Variants in CTPS1 observed in about 807,000 individuals in gnomAD.
CTPS1 encodes the protein CTP synthase 1, also known as CTP synthetase 1.
Under a neutral mutation model 80.5 loss-of-function variants are expected in CTPS1, and 25 were observed. That is an observed-to-expected ratio of 0.31 (90% CI 0.23 to 0.43). The LOEUF is 0.43. Ranked by LOEUF, CTPS1 falls within the 20% of genes least tolerant of loss-of-function variation. The pLI is 1.00. For missense variants in CTPS1, 442 were observed against 725.7 expected (o/e 0.61, Z 4.49); for synonymous variants, 267 against 252.5 (o/e 1.06, Z -0.54).
At chr1:40,987,614 GT>G (rs5773721) in intron 4 of CTPS1, 142 bp downstream of exon 4, 617,941 of 660,760 alleles carry the variant, frequency 0.94, 289,833 homozygotes, top group Admixed American at 0.96. Context: ...TAAGGGCACA[GT>G]TAACAGTCAT....
In CTPS1 at chr1:41,008,553, C is replaced by A. The variant is rs1043353390; in HGVS notation, c.1394-106C>A. ...ATTCATAGAAATAGCCCTCAAAAGA[C>A]CTGGCTGTGTGGATGATGAAAAGTA... is the stretch of plus-strand genomic sequence containing the variant. On this transcript the variant is annotated intron_variant, in intron 14 of 18. Transcript: ENST00000650070. 44 of 1,202,220 alleles carry A rather than the reference C, an allele frequency of 3.7e-5. No homozygotes were observed. In the African/African-American group the frequency reaches 5.5e-4, roughly 15 times the overall value. 74.5% of individuals were successfully genotyped at this position (1,202,220 alleles called of 1,614,324 possible).
At chr1:41,008,930 A>C (rs764200013) in intron 16 of CTPS1, 40 bp downstream of exon 16, 3 of 1,492,140 alleles carry the variant, frequency 2.0e-6, no homozygotes, top group Non-Finnish European at 2.8e-6. Context: ...AAAACTTAGT[A>C]AAGTTTTCTT....
rs201824063 is a variant in CTPS1 at position 41,008,832 on chromosome 1, C to T, written c.1488C>T (p.Gly496=). The change falls in exon 16 of 19, where the codon GGC becomes GGT. Residue 496 remains glycine (G), a synonymous_variant. Coordinates refer to ENST00000650070, the MANE Select transcript of CTPS1 (RefSeq NM_001905.4). ...GGAAAAAGTGTTTGGAAGAACAAGG[C>T]TTGAAGTTTGTTGGCCAAGATGTTG... is the stretch of plus-strand genomic sequence containing the variant. ...PVWKKCLEEQ[G]LKFVGQDVEG... is the part of the protein sequence containing the mutation. 272 of 1,614,016 alleles carry T rather than the reference C, an allele frequency of 1.7e-4. No individual in the cohort carries two copies. Among genetic ancestry groups the T allele is most frequent in the Admixed American group, 4.3e-4 (26 of 60,016 alleles).
At chr1:40,983,114 T>A in intron 1 of CTPS1, 164 bp from the exon 2 acceptor site, 1 of 529,804 alleles carries the variant, frequency 1.9e-6, no homozygotes, top group Non-Finnish European at 3.3e-6. Context: ...ATGTTTGTTT[T>A]GATCCTATTT....
rs369776316 is a variant in CTPS1 at position 41,010,246 on chromosome 1, T to C, written c.*1T>C. The C allele has an allele frequency of 2.5e-6, 4 of 1,608,890 alleles. No homozygotes were observed. In the African/African-American group the frequency reaches 5.3e-5, roughly 22 times the overall value. ...GTTTCCATCAATAAATCATGACTGA[T>C]CTTGTAGCGTAAGTGGTACTTTAAA... is the stretch of plus-strand genomic sequence containing the variant. On this transcript the variant is annotated 3_prime_UTR_variant, in exon 18 of 19. Transcript: ENST00000650070.
At chr1:40,992,285 G>A (rs762177927) in intron 7 of CTPS1, among the ~76,000 whole-genome samples, 6 of 152,140 alleles carry the variant, frequency 3.9e-5, no homozygotes, top group Non-Finnish European at 5.9e-5. Context: ...GGTTAACTGC[G>A]TCCTTCACTG....
At chr1:40,998,642 C>T (rs61780432) in intron 9 of CTPS1, among the ~76,000 whole-genome samples, 1,592 of 152,244 alleles carry the variant, frequency 0.01, 8 homozygotes, top group Non-Finnish European at 0.016. Context: ...TGTCAGCTGT[C>T]GTTAAACCCT....
rs116106023 is a variant in CTPS1, at chr1:41,006,319, C to T, written c.1296+225C>T. Among the ~76,000 whole-genome samples the T allele has an allele frequency of 6.2e-3, 943 of 152,268 alleles. 14 individuals are homozygous for T. Among genetic ancestry groups the T allele is most frequent in the African/African-American group, 0.022 (902 of 41,542 alleles). On this transcript the variant is annotated intron_variant, in intron 13 of 18. Coordinates refer to ENST00000650070, the MANE Select transcript of CTPS1 (RefSeq NM_001905.4). ...CACAGAAAGTTTTTAAGACAGGTAC[C>T]AGCCCAGGAAACTGGAGGGGATTCC...
intron 9 of CTPS1, among the ~76,000 whole-genome samples, chr1:40,998,707 T>C (rs1441223128): frequency 6.6e-6 from 1 of 152,164 alleles, no homozygotes. Flanking sequence ...GCTGAAGCTT[T>C]TCAGGAAGAG....
At chr1:40,991,915 T>C in intron 7 of CTPS1, 70 bp downstream of exon 7, 1 of 1,171,224 alleles carries the variant, frequency 8.5e-7, no homozygotes, top group Non-Finnish European at 1.3e-6. Context: ...CTTGATCAGT[T>C]TCGTGAGGCT....
At chr1:40,979,890 G>A (rs1160525396) in intron 1 of CTPS1, 61 bp downstream of exon 1, 2 of 152,224 alleles carry the variant, frequency 1.3e-5, no homozygotes, top group African/African-American at 4.8e-5. Flanking sequence ...TCAGCGGCGC[G>A]AGCTGAGCCC....
At chr1:41,004,927 G>A (rs545295815) in intron 12 of CTPS1, among the ~76,000 whole-genome samples, 10 of 151,992 alleles carry the variant, frequency 6.6e-5, no homozygotes, top group Non-Finnish European at 1.0e-4. Context: ...CCAGGAGGTC[G>A]AGACCAGCCT....
chr1:40,983,630 T>TC (rs1007551254), intron 2 of CTPS1, among the ~76,000 whole-genome samples, 174 bp downstream of exon 2: 1 of 151,656 alleles, frequency 6.6e-6, no homozygotes, highest in African/African-American at 2.4e-5. Flanking sequence ...TTTTTTTTTT[T>TC]TTTTTTCTTT....
chr1:40,994,142 GT>G (rs201393350), intron 7 of CTPS1, among the ~76,000 whole-genome samples: 1,837 of 152,152 alleles, frequency 0.012, 44 homozygotes, highest in African/African-American at 0.042. Flanking sequence ...AGTCCAATCT[GT>G]TTTTTTCTTT....
intron 8 of CTPS1, among the ~76,000 whole-genome samples, chr1:40,996,750 G>A (rs896733734): frequency 6.6e-6 from 1 of 152,172 alleles, no homozygotes; most frequent in Non-Finnish European, 1.5e-5. Flanking sequence ...CAGAATGGCA[G>A]TTTTATCATC....
chr1:40,983,600 G>T, intron 2 of CTPS1, 144 bp downstream of exon 2: 1 of 555,620 alleles, frequency 1.8e-6, no homozygotes, highest in African/African-American at 2.0e-5. Flanking sequence ...TTCTCACCTA[G>T]AAAGGAAGAA....
rs1457970155 is a variant in CTPS1, at chr1:41,007,902, T to C, written c.1393+357T>C. Among the ~76,000 whole-genome samples, 1 of 152,256 alleles carries C rather than the reference T, an allele frequency of 6.6e-6. No individual in the cohort carries two copies. Among genetic ancestry groups the C allele is most frequent in the Non-Finnish European group, 1.5e-5 (1 of 68,048 alleles). ...GTCACACAAAGATGGCAATTTCATA[T>C]GATTCAGCCTAAGTAGATTCTGTTC... On this transcript the variant is annotated intron_variant, in intron 14 of 18. Coordinates refer to ENST00000650070, the MANE Select transcript of CTPS1 (RefSeq NM_001905.4). The surrounding 1 kb of genome is among the most constrained non-coding windows in gnomAD (Gnocchi z 4.4).
chr1:40,996,304 G>A (rs1215754850), intron 8 of CTPS1, among the ~76,000 whole-genome samples: 1 of 152,148 alleles, frequency 6.6e-6, no homozygotes, highest in African/African-American at 2.4e-5. Flanking sequence ...CAATGAGTTC[G>A]GGTTATGTCT....
chr1:40,993,579 T>C (rs997571985), intron 7 of CTPS1, among the ~76,000 whole-genome samples: 1 of 152,144 alleles, frequency 6.6e-6, no homozygotes, highest in Non-Finnish European at 1.5e-5. Flanking sequence ...GCTCAGGCAG[T>C]CTTCTTGCTT....
Sources: gnomAD v4.1 joint callset for allele counts (sites outside exome capture counted in the v4.1 genomes callset) on GRCh38, gnomAD v4.1.1 for gene constraint, Gnocchi (gnomAD v3.1) non-coding constraint, MANE v1.5 for transcripts, NCBI Gene and HGNC (gene_info 2026-07-23, HGNC 2026-07-21) for gene names.